SPG11: variants seen among roughly 807,000 people sequenced by gnomAD.
The protein encoded by SPG11 is SPG11 vesicle trafficking associated, spatacsin, also known as spatacsin.
In SPG11, 222 loss-of-function variants were observed where a neutral mutation model predicts 274.0. That is an observed-to-expected ratio of 0.81 (90% CI 0.73 to 0.91). The LOEUF (loss-of-function observed/expected upper bound fraction) is 0.91. SPG11 is among the 40% of genes least tolerant of loss of function. SPG11 has a pLI of 0.00. For synonymous variants in SPG11, 1,144 were observed against 1,039.7 expected (o/e 1.10, Z -1.93); for missense variants, 3,114 against 2,872.7 (o/e 1.08, Z -1.92).
intron 4 of SPG11, among the ~76,000 whole-genome samples, chr15:44,654,336 C>T (rs757966420): frequency 3.3e-5 from 5 of 151,994 alleles, no homozygotes; most frequent in South Asian, 2.1e-4. Flanking sequence ...ATGGCGAAAC[C>T]GTTTCTACTG....
chr15:44,620,583 C>T, intron 14 of SPG11, 180 bp from the exon 15 acceptor site: 1 of 587,348 alleles, frequency 1.7e-6, no homozygotes, highest in Non-Finnish European at 2.9e-6. Context: ...GCTGTGTTGC[C>T]CAGGCTGGAG....
At chr15:44,638,291 T>A (rs1294428050) in intron 7 of SPG11, among the ~76,000 whole-genome samples, 1 of 151,930 alleles carries the variant, frequency 6.6e-6, no homozygotes, top group African/African-American at 2.4e-5. Flanking sequence ...GTGAAATGCC[T>A]CTACTAAAAA....
rs1390423095 is a variant in SPG11 at position 44,604,161 on chromosome 15, T to C, written c.3520+1864A>G. The C allele has an allele frequency of 9.0e-6, 4 of 442,474 alleles. No homozygotes were observed. In the East Asian group the frequency reaches 2.8e-4, roughly 31 times the overall value. 27.4% of individuals were successfully genotyped at this position (442,474 alleles called of 1,614,324 possible). ...TCTGAAATAAAGTTGTGTTTTCTCATGGAATTCCAAGGACTTTTCACATTG... is the reference window on the plus strand; with the variant it reads ...TCTGAAATAAAGTTGTGTTTTCTCACGGAATTCCAAGGACTTTTCACATTG... On this transcript the variant is annotated intron_variant, in intron 20 of 39. Transcript: ENST00000261866.
chr15:44,662,591 C>T (rs534913164), intron 1 of SPG11, among the ~76,000 whole-genome samples: 1 of 147,638 alleles, frequency 6.8e-6, no homozygotes, highest in East Asian at 2.1e-4. Context: ...TCAAGGCTGG[C>T]TGCCGTGAAC....
In SPG11 at chr15:44,626,384, C is replaced by T. The variant is rs1327322138; in HGVS notation, c.2191G>A (p.Asp731Asn). ...TTTATATTGTTCTTTTTTAAATTGT[C>T]AAAGACCAAATTTAGGCCTATGCCA... The part of the protein sequence containing the change: ...LIGIGLNLVF[D>N]NLKKNNIKEA... Residue 731 changes from aspartate (D) to asparagine (N), a missense_variant, in exon 11 of 40, where the codon GAC (aspartate) becomes AAC (asparagine). Coordinates refer to ENST00000261866, the MANE Select transcript of SPG11 (RefSeq NM_025137.4). The T allele has an allele frequency of 1.9e-5, 30 of 1,613,464 alleles. No homozygotes were observed. The highest frequency in any genetic ancestry group is 2.5e-5 in the Non-Finnish European group (29 of 1,179,856).
At chr15:44,623,497 C>G (rs1293626190) in intron 11 of SPG11, among the ~76,000 whole-genome samples, 1 of 152,138 alleles carries the variant, frequency 6.6e-6, no homozygotes, top group African/African-American at 2.4e-5. Context: ...CAGGTTAGGG[C>G]TAGATCTCAG....
chr15:44,631,493 T>C (rs994959416), intron 8 of SPG11, among the ~76,000 whole-genome samples: 1 of 152,160 alleles, frequency 6.6e-6, no homozygotes, highest in East Asian at 1.9e-4. Context: ...AAAGGTGTTC[T>C]AGTGAGCTGA....
intron 7 of SPG11, among the ~76,000 whole-genome samples, chr15:44,638,496 CA>C (rs777503300): frequency 0.015 from 1,683 of 115,036 alleles, 29 homozygotes; most frequent in East Asian, 0.052. Context: ...AAAAAAACCA[CA>C]AAACCCCCCC....
At chr15:44,633,204 C>T (rs1223594549) in intron 8 of SPG11, among the ~76,000 whole-genome samples, 5 of 150,998 alleles carry the variant, frequency 3.3e-5, no homozygotes, top group Admixed American at 2.0e-4. Flanking sequence ...GTGGCATACA[C>T]GTGTAGTCCC....
chr15:44,656,662 T>A (rs963070598), intron 4 of SPG11, among the ~76,000 whole-genome samples: 1 of 152,162 alleles, frequency 6.6e-6, no homozygotes, highest in African/African-American at 2.4e-5. Flanking sequence ...GGTATGGCTG[T>A]GGAGGTGGAA....
In SPG11 at chr15:44,596,892, C is replaced by A. The variant is rs1349816191; in HGVS notation, c.4053G>T (p.Arg1351Ser). Reference protein sequence around the residue: ...SQWALVVQFCRLHNMKLSISY... With the variant: ...SQWALVVQFCSLHNMKLSISY... Reference sequence around the variant, plus strand: ...ATATGCTTAGTTTCATATTGTGTAGCCTGCAGAACTGCACCACTAATGCCC... The same window carrying A: ...ATATGCTTAGTTTCATATTGTGTAGACTGCAGAACTGCACCACTAATGCCC... The change falls in exon 24 of 40, where the codon AGG becomes AGT. Residue 1351 changes from arginine (R) to serine (S), a missense_variant. Physicochemically the swap from Arg to Ser is moderately radical, Grantham distance 110. Coordinates refer to ENST00000261866, the MANE Select transcript of SPG11 (RefSeq NM_025137.4). 6 of 1,613,852 alleles carry A rather than the reference C, an allele frequency of 3.7e-6. No individual in the cohort carries two copies. The highest frequency in any genetic ancestry group is 4.2e-6 in the Non-Finnish European group (5 of 1,179,932).
Position 44,589,396 on chromosome 15 carries a change from T to G in SPG11, c.4762A>C (p.Lys1588Gln). ...ATGGCAGGGATGACAGGGTGGACCT[T>G]TGTGGCTGCTGTGTTAAGCTATGAA... ...SLETLNTAAT[K>Q]VHPVIPAMWL... is the part of the protein sequence containing the mutation. Residue 1588 changes from lysine (K) to glutamine (Q), a missense_variant, in exon 28 of 40, where the codon AAG becomes CAG. Transcript: ENST00000261866. 1 of 1,614,054 alleles carries G rather than the reference T, an allele frequency of 6.2e-7. No individual in the cohort carries two copies. Among genetic ancestry groups the G allele is most frequent in the Non-Finnish European group, 8.5e-7 (1 of 1,179,940 alleles).
intron 10 of SPG11, among the ~76,000 whole-genome samples, chr15:44,627,411 C>G (rs917951150): frequency 6.6e-6 from 1 of 151,976 alleles, no homozygotes; most frequent in Non-Finnish European, 1.5e-5. Context: ...AAGACAGGGT[C>G]TACAATTTTT....
intron 7 of SPG11, among the ~76,000 whole-genome samples, chr15:44,636,934 A>AC (rs1567180432): frequency 1.2e-4 from 15 of 122,404 alleles, no homozygotes; most frequent in Non-Finnish European, 2.3e-4. Context: ...TCAAAAAAAA[A>AC]AAAAAAAAAA....
At chr15:44,646,990 A>T (rs2084629814) in intron 7 of SPG11, among the ~76,000 whole-genome samples, 1 of 152,204 alleles carries the variant, frequency 6.6e-6, no homozygotes, top group Admixed American at 6.5e-5. Context: ...AGTTAAAAAA[A>T]TTTTAAAAAG....
chr15:44,605,337 T>C (rs1438629571), intron 20 of SPG11, among the ~76,000 whole-genome samples: 2 of 152,164 alleles, frequency 1.3e-5, no homozygotes, highest in African/African-American at 4.8e-5. Flanking sequence ...TTCGAACTTA[T>C]AAAACACATA....
chr15:44,613,405 T>C (rs2083510550), intron 17 of SPG11, 25 bp downstream of exon 17: 1 of 1,471,172 alleles, frequency 6.8e-7, no homozygotes. Context: ...AGCAAGTTTC[T>C]GTGTTTAATA....
At chr15:44,658,461 C>CT (rs566387319) in intron 3 of SPG11, among the ~76,000 whole-genome samples, 4,120 of 139,796 alleles carry the variant, frequency 0.029, 119 homozygotes, top group East Asian at 0.11. Context: ...ACAACATAAG[C>CT]TTTTTTTTTT....
At chr15:44,604,478 G>T (rs1161900761) in intron 20 of SPG11, among the ~76,000 whole-genome samples, 1 of 152,144 alleles carries the variant, frequency 6.6e-6, no homozygotes, top group Non-Finnish European at 1.5e-5. Flanking sequence ...TTAGTGTGGA[G>T]ACTGCGTATA....
Sources: allele counts gnomAD v4.1 joint callset (sites outside exome capture counted in the v4.1 genomes callset), GRCh38; gene constraint gnomAD v4.1.1; transcripts MANE v1.5; gene names NCBI Gene and HGNC (gene_info 2026-07-23, HGNC 2026-07-21).